The following EXTL3 variants were observed in gnomAD, a reference collection of about 807,000 sequenced individuals.
The protein encoded by EXTL3 is exostosin-like 3.
In EXTL3, 27 loss-of-function variants were observed where a neutral mutation model predicts 69.3. The observed-to-expected ratio is 0.39, with a 90% CI of 0.29 to 0.54. The LOEUF is 0.54. Among genes scored for constraint, EXTL3 ranks in the 20% least tolerant of loss-of-function variants. The pLI, the probability that EXTL3 is intolerant of heterozygous loss-of-function variation, is 0.69. For missense variants in EXTL3, 1,003 were observed against 1,231.8 expected, an observed-to-expected ratio of 0.81 and a Z score of 2.78; for synonymous variants, 511 against 499.4, an observed-to-expected ratio of 1.02 and a Z score of -0.31.
intron 1 of EXTL3, among the ~76,000 whole-genome samples, chr8:28,669,284 GGTAGCAT>G (rs924692542): frequency 3.9e-5 from 6 of 152,104 alleles, no homozygotes; most frequent in African/African-American, 1.4e-4. Context: ...TTATTCCGAT[GGTAGCAT>G]GTATCAAGGC....
At chr8:28,712,621 G>A (rs1431878577) in intron 1 of EXTL3, among the ~76,000 whole-genome samples, 1 of 152,302 alleles carries the variant, frequency 6.6e-6, no homozygotes, top group South Asian at 2.1e-4. Context: ...GAGATTCTGA[G>A]GGTATCCTTT....
chr8:28,669,335 TGCA>T (rs1469675145), intron 1 of EXTL3, among the ~76,000 whole-genome samples: 2 of 152,262 alleles, frequency 1.3e-5, no homozygotes, highest in Non-Finnish European at 2.9e-5. Context: ...GCATAATTAT[TGCA>T]GCAGTTACCT....
At chr8:28,647,965 TTGGGGGTGGGA>T (rs1806861380) in intron 1 of EXTL3, among the ~76,000 whole-genome samples, 1 of 25,196 alleles carries the variant, frequency 4.0e-5, no homozygotes, top group Admixed American at 6.2e-4. Context: ...TGGGGGTGGG[TTGGGGGTGGGA>T]GACGATCAGT....
rs140897515 is a variant in EXTL3, at chr8:28,692,308, T to A, written c.-52-21149T>A. On this transcript the variant is annotated intron_variant, in intron 1 of 6. Transcript: ENST00000523149. ...TCCACTTTTGATCTATGGCATAGTG[T>A]TTGCAAGGCTGAAGGCTTGGGTTGG... Among the ~76,000 whole-genome samples the A allele has an allele frequency of 7.2e-3, 1,089 of 152,290 alleles. 11 individuals are homozygous for A. Among genetic ancestry groups the A allele is most frequent in the African/African-American group, 0.025 (1,021 of 41,556 alleles).
intron 1 of EXTL3, among the ~76,000 whole-genome samples, chr8:28,650,745 T>C (rs1416397271): frequency 6.6e-6 from 1 of 152,110 alleles, no homozygotes; most frequent in African/African-American, 2.4e-5. Flanking sequence ...CAGGTAGGAG[T>C]TGGTTTTGGG....
chr8:28,731,428 T>G (rs1344048292), intron 4 of EXTL3, 78 bp downstream of exon 4: 6 of 1,528,010 alleles, frequency 3.9e-6, no homozygotes, highest in Admixed American at 3.5e-5. Context: ...ATGAATTTTT[T>G]GGCTGATGGT....
chr8:28,731,226 G>A lies in EXTL3; in HGVS notation c.2152G>A (p.Val718Ile), dbSNP rs1425559818. Reference protein sequence around the residue: ...WPDIGVPIMVVRTEKNSLNNR... With the variant: ...WPDIGVPIMVIRTEKNSLNNR... The stretch of plus-strand genomic sequence containing the variant: ...TGTTTTTCCTTCCTCATCACAGGTG[G>A]TCCGTACTGAGAAGAACAGTTTGAA... The change falls in exon 4 of 7, where the codon GTC becomes ATC. Residue 718 changes from valine to isoleucine, a missense_variant. Around this residue, in one of 2 missense-constraint regions of EXTL3, gnomAD observed 261 missense variants for 416.4 expected, o/e 0.63. Coordinates refer to ENST00000220562, the MANE Select transcript of EXTL3 (RefSeq NM_001440.4). The A allele has an allele frequency of 2.5e-6, 4 of 1,613,986 alleles. No individual in the cohort carries two copies. The highest frequency in any genetic ancestry group is 2.7e-5 in the African/African-American group (2 of 74,896).
At chr8:28,643,173 C>T (rs1042277992) in intron 1 of EXTL3, among the ~76,000 whole-genome samples, 22 of 151,812 alleles carry the variant, frequency 1.4e-4, no homozygotes, top group Admixed American at 9.2e-4. Flanking sequence ...GAACCTGGGA[C>T]GTGGAGGTTG....
At chr8:28,645,269 A>C (rs1806809988) in intron 1 of EXTL3, among the ~76,000 whole-genome samples, 1 of 152,256 alleles carries the variant, frequency 6.6e-6, no homozygotes, top group Non-Finnish European at 1.5e-5. Context: ...CCTTTGACCC[A>C]GCAAGTCTAC....
intron 1 of EXTL3, among the ~76,000 whole-genome samples, chr8:28,671,697 C>A (rs1469222348): frequency 6.6e-6 from 1 of 152,176 alleles, no homozygotes. Context: ...ATCAAACTCA[C>A]CCCATGTTAA....
chr8:28,728,756 G>A (rs1201534656), intron 3 of EXTL3, among the ~76,000 whole-genome samples: 1 of 152,030 alleles, frequency 6.6e-6, no homozygotes, highest in African/African-American at 2.4e-5. Flanking sequence ...GTGTGGTGGT[G>A]CATGCCTGTA....
chr8:28,681,268 A>G (rs764249881), intron 1 of EXTL3, among the ~76,000 whole-genome samples: 3 of 151,526 alleles, frequency 2.0e-5, no homozygotes, highest in Non-Finnish European at 4.4e-5. Flanking sequence ...TAATCCCAGC[A>G]CTTTGGGCGG....
chr8:28,684,986 C>G (rs1243510527), intron 1 of EXTL3, among the ~76,000 whole-genome samples: 1 of 80,294 alleles, frequency 1.2e-5, no homozygotes, highest in African/African-American at 4.7e-5. Flanking sequence ...GAGTCTTGCT[C>G]TGTCCCCCAG....
intron 4 of EXTL3, among the ~76,000 whole-genome samples, chr8:28,732,713 T>G (rs1286897752): frequency 6.6e-6 from 1 of 152,206 alleles, no homozygotes; most frequent in Non-Finnish European, 1.5e-5. Context: ...TCATCCATCT[T>G]GTAGCAGGTA....
chr8:28,617,586 C>A (rs1414235407), intron 2 of EXTL3, among the ~76,000 whole-genome samples: 1 of 152,150 alleles, frequency 6.6e-6, no homozygotes. Flanking sequence ...GGCTTCAACA[C>A]CAGCCTGGGC....
chr8:28,729,736 C>T (rs1016091703), intron 3 of EXTL3, among the ~76,000 whole-genome samples: 1 of 151,378 alleles, frequency 6.6e-6, no homozygotes, highest in Non-Finnish European at 1.5e-5. Context: ...CGTGGTGGCT[C>T]ATGCCTGTAA....
At chr8:28,645,567 T>C (rs1806815436) in intron 1 of EXTL3, among the ~76,000 whole-genome samples, 1 of 152,250 alleles carries the variant, frequency 6.6e-6, no homozygotes, top group South Asian at 2.1e-4. Context: ...GAAGAATGTA[T>C]GCTGGTAATG....
At chr8:28,729,620 A>T (rs1327308384) in intron 3 of EXTL3, among the ~76,000 whole-genome samples, 2 of 150,534 alleles carry the variant, frequency 1.3e-5, no homozygotes, top group East Asian at 1.9e-4. Context: ...AAAAAAAAAA[A>T]AAAGCATTTT....
Position 28,746,085 on chromosome 8 carries a change from A to G in EXTL3, c.2550+2871A>G, listed in dbSNP as rs190967531. ...ACCTAATTTTAATGGTATCAGGTAT[A>G]TGTACTATTTTATGTTCAAAAATAG... On this transcript the variant is annotated intron_variant, in intron 6 of 6. Coordinates refer to ENST00000220562, the MANE Select transcript of EXTL3 (RefSeq NM_001440.4). Among the ~76,000 whole-genome samples the G allele has an allele frequency of 2.3e-3, 356 of 152,318 alleles. 1 individual carries two copies. The highest frequency in any genetic ancestry group is 3.0e-3 in the Non-Finnish European group (201 of 68,030).
Sources: allele counts gnomAD v4.1 joint callset (sites outside exome capture counted in the v4.1 genomes callset), GRCh38; gene constraint gnomAD v4.1.1; regional missense constraint gnomAD v4.1.1; transcripts MANE v1.5; gene names NCBI Gene and HGNC (gene_info 2026-07-23, HGNC 2026-07-21).